DNAJC17: variants seen among roughly 807,000 people sequenced by gnomAD.
DNAJC17 encodes DnaJ heat shock protein family (Hsp40) member C17, also known as dnaJ homolog subfamily C member 17.
Under a neutral mutation model 48.1 loss-of-function variants are expected in DNAJC17, and 35 were observed. That is an observed-to-expected ratio of 0.73 (90% CI 0.56 to 0.96). The LOEUF is 0.96. Among genes scored for constraint, DNAJC17 ranks in the 50% least tolerant of loss-of-function variants. The pLI is 0.00. For synonymous variants in DNAJC17, 117 were observed against 142.7 expected (o/e 0.82, Z 1.28); for missense variants, 355 against 377.1 (o/e 0.94, Z 0.48).
chr15:40,800,000 T>TG (rs1890037380), intron 1 of DNAJC17, among the ~76,000 whole-genome samples: 3 of 132,694 alleles, frequency 2.3e-5, no homozygotes, highest in South Asian at 5.1e-4. Flanking sequence ...CAGGGTTTTT[T>TG]TTTTGTTGTT....
chr15:40,806,654 A>G (rs1434233427), intron 1 of DNAJC17, among the ~76,000 whole-genome samples: 3 of 152,070 alleles, frequency 2.0e-5, no homozygotes, highest in Non-Finnish European at 4.4e-5. Context: ...TCCTTCGTAT[A>G]TTGTTAAAAC....
intron 1 of DNAJC17, among the ~76,000 whole-genome samples, chr15:40,785,715 T>A (rs1375674723): frequency 6.6e-6 from 1 of 152,188 alleles, no homozygotes; most frequent in Non-Finnish European, 1.5e-5. Flanking sequence ...ATTCTCTAGG[T>A]GGACAGGGCT....
rs28498351 is a variant in DNAJC17 at position 40,779,368 on chromosome 15, C to G, written c.208-58G>C. The G allele has an allele frequency of 8.5e-3, 13,547 of 1,592,636 alleles. 1,022 individuals carry two copies. The African/African-American group carries it at 0.16, about 19-fold the overall frequency. ...CAGTGAGAGAGTAAAGACAGAGCCC[C>G]GGCAATCTGCCTGGCCCCTAGCCCA... is the stretch of plus-strand genomic sequence containing the variant. On this transcript the variant is annotated intron_variant, in intron 3 of 10. Coordinates refer to ENST00000220496, the MANE Select transcript of DNAJC17 (RefSeq NM_018163.3).
At position 40,776,621 on chromosome 15, in the gene DNAJC17, T is replaced by C; in HGVS notation, c.302A>G (p.Glu101Gly). 1 of 1,613,906 alleles carries C rather than the reference T, an allele frequency of 6.2e-7. No homozygotes were observed. Among genetic ancestry groups the C allele is most frequent in the Non-Finnish European group, 8.5e-7 (1 of 1,179,968 alleles). The change falls in exon 5 of 11, where the codon GAG becomes GGG. Residue 101 changes from glutamate to glycine, a missense_variant. This residue lies in a region of DNAJC17 where 199 missense variants were observed against 199.9 expected (regional missense o/e 1.00). Coordinates refer to ENST00000220496, the MANE Select transcript of DNAJC17 (RefSeq NM_018163.3). ...GGCCTGGGCCTGCCGCTCCCGGGCC[T>C]CCAGGTCTAGACACAAGGGTTGAAT... is the stretch of plus-strand genomic sequence containing the variant. The part of the protein sequence containing the change: ...EKRKKVKLDL[E>G]ARERQAQAQE...
intron 1 of DNAJC17, among the ~76,000 whole-genome samples, chr15:40,788,491 T>TC: frequency 6.6e-6 from 1 of 152,038 alleles, no homozygotes; most frequent in South Asian, 2.1e-4. Flanking sequence ...GGTCAGGAGA[T>TC]CGAGACCATC....
chr15:40,779,308 A>C lies in DNAJC17; in HGVS notation c.210T>G (p.Ala70=), dbSNP rs1272277615. 10 of 1,613,894 alleles carry C rather than the reference A, an allele frequency of 6.2e-6. No homozygotes were observed. The highest frequency in any genetic ancestry group is 1.3e-5 in the African/African-American group (1 of 74,924). ...LEVLTDAAAR[A]AYDKVRKAKK... is the part of the protein sequence containing the mutation. Reference sequence around the variant, plus strand: ...TGGCTTTCCTGACCTTGTCATATGCAGCCTGGCAGGAGAAAGGGGCACAGG... The same window carrying C: ...TGGCTTTCCTGACCTTGTCATATGCCGCCTGGCAGGAGAAAGGGGCACAGG... The change falls in exon 4 of 11, where the codon GCT becomes GCG. Residue 70 remains alanine, a splice_region_variant and synonymous_variant. Coordinates refer to ENST00000220496, the MANE Select transcript of DNAJC17 (RefSeq NM_018163.3).
chr15:40,765,879 A>C lies in DNAJC17; in HGVS notation c.*2061T>G. On this transcript the variant is annotated 3_prime_UTR_variant, in exon 11 of 11. Coordinates refer to ENST00000220496, the MANE Select transcript of DNAJC17 (RefSeq NM_018163.3). ...GAACAGTCGGATCCAGAGCTGATGC[A>C]GCATCTGGGGGCTTCAAAGAGAAGA... 1 of 1,584,920 alleles carries C rather than the reference A, an allele frequency of 6.3e-7. No homozygotes were observed. Among genetic ancestry groups the C allele is most frequent in the Non-Finnish European group, 8.6e-7 (1 of 1,160,738 alleles).
chr15:40,776,091 G>T, intron 6 of DNAJC17, 105 bp downstream of exon 6: 1 of 1,047,750 alleles, frequency 9.5e-7, no homozygotes, highest in Non-Finnish European at 1.4e-6. Flanking sequence ...CAGGGTTCCA[G>T]CAGGTAGAAG....
chr15:40,794,593 G>T (rs1399043900), intron 1 of DNAJC17, among the ~76,000 whole-genome samples: 1 of 152,112 alleles, frequency 6.6e-6, no homozygotes, highest in Non-Finnish European at 1.5e-5. Context: ...GATCACCTGA[G>T]CCCAGGAAGT....
At chr15:40,773,426 A>G (rs540000726) in intron 10 of DNAJC17, among the ~76,000 whole-genome samples, 1 of 152,238 alleles carries the variant, frequency 6.6e-6, no homozygotes, top group African/African-American at 2.4e-5. Context: ...TGCTTCACAC[A>G]CCACAACCAA....
intron 1 of DNAJC17, among the ~76,000 whole-genome samples, chr15:40,794,403 G>C (rs1432668470): frequency 6.7e-6 from 1 of 150,254 alleles, no homozygotes; most frequent in Non-Finnish European, 1.5e-5. Context: ...TGGGCACAGT[G>C]GCTCATGCCT....
intron 3 of DNAJC17, 43 bp downstream of exon 3, chr15:40,779,502 T>C (rs749517331): frequency 3.7e-5 from 59 of 1,612,774 alleles, no homozygotes; most frequent in Non-Finnish European, 4.8e-5. Flanking sequence ...AGCAGTGGTC[T>C]CTAACCATGG....
rs1003571441 is a variant in DNAJC17 at position 40,769,241 on chromosome 15, C to G, written c.793-1179G>C. ...TGACAATTCACGGCAGCCTCCCTGG[C>G]CCAGCCTCCTGCAAGAGAAGGAGGA... On this transcript the variant is annotated intron_variant, in intron 10 of 10. Transcript: ENST00000220496. This position sits in a 1 kb window ranked among gnomAD's most constrained non-coding sequence, Gnocchi z 4.2. Among the ~76,000 whole-genome samples the G allele has an allele frequency of 6.6e-6, 1 of 152,188 alleles. No homozygotes were observed. The highest frequency in any genetic ancestry group is 1.9e-4 in the East Asian group (1 of 5,198).
chr15:40,792,514 C>T (rs1889832857), intron 1 of DNAJC17: 1 of 985,306 alleles, frequency 1.0e-6, no homozygotes, highest in African/African-American at 1.7e-5. Flanking sequence ...AAGGCTGCTA[C>T]AGACAGAAGA....
At chr15:40,790,846 T>C (rs1258417534) in intron 1 of DNAJC17, among the ~76,000 whole-genome samples, 1 of 152,202 alleles carries the variant, frequency 6.6e-6, no homozygotes, top group Non-Finnish European at 1.5e-5. Flanking sequence ...TCCTTTTGAC[T>C]TAACAGGCAC....
At chr15:40,772,540 A>C (rs28460049) in intron 10 of DNAJC17, 7,556 of 159,026 alleles carry the variant, frequency 0.048, 640 homozygotes, top group African/African-American at 0.17. Flanking sequence ...GGCCCAGGCC[A>C]GTTTGTTTCC....
intron 1 of DNAJC17, among the ~76,000 whole-genome samples, chr15:40,806,034 A>G (rs1413350571): frequency 1.3e-5 from 2 of 151,914 alleles, no homozygotes; most frequent in Non-Finnish European, 2.9e-5. Context: ...TAGACATCCC[A>G]TGGCCATTTC....
chr15:40,779,470 C>T, intron 3 of DNAJC17, 75 bp downstream of exon 3: 1 of 1,596,080 alleles, frequency 6.3e-7, no homozygotes, highest in South Asian at 1.1e-5. Flanking sequence ...TGGCAAAGGG[C>T]AGAGGACCGA....
intron 1 of DNAJC17, among the ~76,000 whole-genome samples, chr15:40,786,256 G>A: frequency 6.6e-6 from 1 of 152,276 alleles, no homozygotes; most frequent in Middle Eastern, 3.4e-3. Context: ...GGAAGGAGAG[G>A]AACTTTCAGA....
Sources: gnomAD v4.1 joint callset for allele counts (sites outside exome capture counted in the v4.1 genomes callset) on GRCh38, gnomAD v4.1.1 for gene constraint, gnomAD v4.1.1 regional missense constraint, Gnocchi (gnomAD v3.1) non-coding constraint, MANE v1.5 for transcripts, NCBI Gene and HGNC (gene_info 2026-07-23, HGNC 2026-07-21) for gene names.